The following PLEKHA6 variants were observed in gnomAD, a reference collection of about 807,000 sequenced individuals.
The protein encoded by PLEKHA6 is pleckstrin homology domain containing A6, also known as pleckstrin homology domain-containing family A member 6.
In PLEKHA6, 60 loss-of-function variants were observed where a neutral mutation model predicts 116.7. The ratio of observed to expected loss-of-function variants is 0.51; its 90% CI spans 0.42 to 0.64. The LOEUF (loss-of-function observed/expected upper bound fraction) is 0.64, where lower values mean the gene tolerates loss of function less well. PLEKHA6 is among the 30% of genes least tolerant of loss of function. The pLI is 0.00. For synonymous variants in PLEKHA6, 489 were observed against 556.1 expected (o/e 0.88, Z 1.70); for missense variants, 1,338 against 1,422.7 (o/e 0.94, Z 0.96).
In PLEKHA6 at chr1:204,285,288, T is replaced by C. The variant is rs545811222; in HGVS notation, c.-94-10479A>G. On this transcript the variant is annotated intron_variant, in intron 1 of 22. Coordinates refer to ENST00000272203, the MANE Select transcript of PLEKHA6 (RefSeq NM_014935.5). ...TGATGAGCTCAGTGTCTTCAGTAAA[T>C]ACAAGTTCCCTCATAGACCTAAACT... Among the ~76,000 whole-genome samples the C allele has an allele frequency of 4.6e-5, 7 of 152,322 alleles. No individual in the cohort carries two copies. The East Asian group carries it at 9.6e-4, about 21-fold the overall frequency.
intron 1 of PLEKHA6, chr1:204,313,428 G>A: frequency 3.8e-6 from 1 of 262,028 alleles, no homozygotes; most frequent in Non-Finnish European, 5.9e-6. Flanking sequence ...GCACATTCCT[G>A]GGCTCATCTG....
At chr1:204,224,943 A>G (rs1051566714) in intron 21 of PLEKHA6, among the ~76,000 whole-genome samples, 4 of 152,226 alleles carry the variant, frequency 2.6e-5, no homozygotes, top group Non-Finnish European at 5.9e-5. Context: ...CCCACAGGAC[A>G]TGCAGCGAGG....
chr1:204,275,388 G>A (rs1320376963), intron 1 of PLEKHA6, among the ~76,000 whole-genome samples: 1 of 152,196 alleles, frequency 6.6e-6, no homozygotes, highest in Non-Finnish European at 1.5e-5. Context: ...AGGGCTGTTT[G>A]ATGTCATTGA....
At chr1:204,314,795 T>C (rs557293487) in intron 1 of PLEKHA6, among the ~76,000 whole-genome samples, 38 of 152,310 alleles carry the variant, frequency 2.5e-4, no homozygotes, top group African/African-American at 8.9e-4. Context: ...CTGGTATGGA[T>C]GCCCACAAGC....
intron 1 of PLEKHA6, among the ~76,000 whole-genome samples, chr1:204,291,894 T>C (rs1357493510): frequency 3.3e-5 from 5 of 152,294 alleles, no homozygotes; most frequent in Middle Eastern, 3.4e-3. Context: ...TTTAAATATA[T>C]ACAATTTATC....
rs1434935631 is a variant in PLEKHA6 at position 204,274,796 on chromosome 1, G to A, written c.-81C>T. On this transcript the variant is annotated 5_prime_UTR_variant, in exon 2 of 23. The change creates a new upstream start codon in the 5' untranslated region. Transcript: ENST00000272203. ...GTCACTGGGTGTAGAAATGTGTTCCGTCTTTCATTGTGGCTGTAGAGGGAA... is the reference window on the plus strand; with the variant it reads ...GTCACTGGGTGTAGAAATGTGTTCCATCTTTCATTGTGGCTGTAGAGGGAA... 9.1e-6 allele frequency: 9 copies of A among 985,640 alleles called. No homozygotes were observed. Among genetic ancestry groups the A allele is most frequent in the East Asian group, 1.1e-4 (1 of 8,818 alleles). 61.1% of individuals were successfully genotyped at this position (985,640 alleles called of 1,614,324 possible).
At chr1:204,361,916 A>G (rs1673568754), upstream of PLEKHA6, among the ~76,000 whole-genome samples, 1 of 152,216 alleles carries the variant, frequency 6.6e-6, no homozygotes, top group Non-Finnish European at 1.5e-5. Context: ...AGCCCCCACA[A>G]TCCTCAGGCA....
At chr1:204,324,487 C>G (rs952595180) in intron 1 of PLEKHA6, among the ~76,000 whole-genome samples, 1 of 152,116 alleles carries the variant, frequency 6.6e-6, no homozygotes, top group Non-Finnish European at 1.5e-5. Context: ...ATTAGAGAGG[C>G]AGCTCGTGAT....
intron 1 of PLEKHA6, among the ~76,000 whole-genome samples, chr1:204,375,601 T>G (rs959760932): frequency 6.6e-6 from 1 of 152,084 alleles, no homozygotes; most frequent in African/African-American, 2.4e-5. Flanking sequence ...AAGTTTCTCC[T>G]CCTGCCTCTC....
At chr1:204,352,820 A>G (rs1374884422) in intron 1 of PLEKHA6, among the ~76,000 whole-genome samples, 6 of 152,030 alleles carry the variant, frequency 3.9e-5, no homozygotes, top group Non-Finnish European at 7.4e-5. Context: ...CTCTGTCTCT[A>G]CAAAAAATAA....
intron 3 of PLEKHA6, among the ~76,000 whole-genome samples, 177 bp from the exon 4 acceptor site, chr1:204,268,489 C>A (rs983447831): frequency 1.3e-5 from 2 of 151,782 alleles, no homozygotes; most frequent in African/African-American, 4.9e-5. Flanking sequence ...CAGAGACTTT[C>A]AGTTCTTTGG....
intron 3 of PLEKHA6, among the ~76,000 whole-genome samples, chr1:204,270,755 G>A (rs1158227649): frequency 6.6e-6 from 1 of 152,176 alleles, no homozygotes; most frequent in African/African-American, 2.4e-5. Flanking sequence ...CGTCACTTAA[G>A]AGAGAGGTTG....
chr1:204,281,456 T>C (rs1212273764), intron 1 of PLEKHA6, among the ~76,000 whole-genome samples: 1 of 151,722 alleles, frequency 6.6e-6, no homozygotes, highest in African/African-American at 2.4e-5. Context: ...ACCCAGGAGG[T>C]GGAGCTTGCA....
chr1:204,298,627 A>C (rs866393829), intron 1 of PLEKHA6, among the ~76,000 whole-genome samples: 109 of 152,312 alleles, frequency 7.2e-4, no homozygotes, highest in African/African-American at 2.5e-3. Flanking sequence ...TCTCTAGGCC[A>C]GACTCCCCTA....
chr1:204,228,269 G>A lies in PLEKHA6; in HGVS notation c.2886-41C>T. 1 of 1,554,116 alleles carries A rather than the reference G, an allele frequency of 6.4e-7. No individual in the cohort carries two copies. Among genetic ancestry groups the A allele is most frequent in the Non-Finnish European group, 8.7e-7 (1 of 1,144,986 alleles). ...CACACAGAAATGGAGGGAGGGACAG[G>A]ATGGTCCAAGTGGCTTGAGGGGGCC... On this transcript the variant is annotated intron_variant, in intron 20 of 22. Transcript: ENST00000272203. This position sits in a 1 kb window ranked among gnomAD's most constrained non-coding sequence, Gnocchi z 4.0.
chr1:204,229,554 T>C (rs115575085), intron 18 of PLEKHA6, among the ~76,000 whole-genome samples: 374 of 152,286 alleles, frequency 2.5e-3, no homozygotes, highest in African/African-American at 8.5e-3. Flanking sequence ...GCTGGGACTA[T>C]AGGTGAATCC....
chr1:204,247,805 G>C (rs1434518324), intron 12 of PLEKHA6, among the ~76,000 whole-genome samples: 3 of 152,082 alleles, frequency 2.0e-5, no homozygotes, highest in African/African-American at 7.2e-5. Context: ...AATTACAAAA[G>C]TTAGCTGGGC....
intron 2 of PLEKHA6, among the ~76,000 whole-genome samples, chr1:204,274,098 T>C (rs540020630): frequency 6.6e-6 from 1 of 151,950 alleles, no homozygotes; most frequent in African/African-American, 2.4e-5. Context: ...CATGCCTAGC[T>C]AATTTTTTTT....
chr1:204,301,008 CA>C (rs1293879974), intron 1 of PLEKHA6, among the ~76,000 whole-genome samples: 2 of 152,220 alleles, frequency 1.3e-5, no homozygotes. Flanking sequence ...AGACTCTTTA[CA>C]GCCTTTATTT....
Sources: allele counts gnomAD v4.1 joint callset (sites outside exome capture counted in the v4.1 genomes callset), GRCh38; gene constraint gnomAD v4.1.1; non-coding constraint Gnocchi (gnomAD v3.1); transcripts MANE v1.5; gene names NCBI Gene and HGNC (gene_info 2026-07-23, HGNC 2026-07-21).